LPIN2: variants seen among roughly 807,000 people sequenced by gnomAD.
The protein encoded by LPIN2 is phosphatidate phosphatase LPIN2.
LPIN2 carries 55 observed loss-of-function variants against 111.4 expected under a neutral mutation model. The observed-to-expected ratio is 0.49, with a 90% confidence interval of 0.40 to 0.62. The LOEUF (loss-of-function observed/expected upper bound fraction) is 0.62. Among genes scored for constraint, LPIN2 ranks in the 20% least tolerant of loss-of-function variants. The pLI is 0.00. For missense variants in LPIN2, 992 were observed against 1,112.1 expected (o/e 0.89, Z 1.54); for synonymous variants, 425 against 414.0 (o/e 1.03, Z -0.32).
chr18:2,969,211 T>C (rs2077862626), intron 1 of LPIN2, among the ~76,000 whole-genome samples: 1 of 152,198 alleles, frequency 6.6e-6, no homozygotes, highest in Non-Finnish European at 1.5e-5. Context: ...GGAAGCATAG[T>C]TCCATGTAAA....
At chr18:2,949,291 AATG>A (rs2077499434) in intron 4 of LPIN2, among the ~76,000 whole-genome samples, 1 of 152,222 alleles carries the variant, frequency 6.6e-6, no homozygotes, top group Non-Finnish European at 1.5e-5. Context: ...TTTGGGAATC[AATG>A]ATATTTAAAA....
In LPIN2 at chr18:2,963,706, A is replaced by C. The variant is rs908885496; in HGVS notation, c.-9-2857T>G. Among the ~76,000 whole-genome samples the C allele has an allele frequency of 8.6e-5, 13 of 151,948 alleles. 1 individual carries two copies. The highest frequency in any genetic ancestry group is 3.2e-4 in the African/African-American group (13 of 41,224). ...TGGAGATGCCCACACAAAAAGCAAA[A>C]TGTGGAAATGAAAAATGGTCACAGA... On this transcript the variant is annotated intron_variant, in intron 1 of 19. Coordinates refer to ENST00000677752, the MANE Select transcript of LPIN2 (RefSeq NM_001375808.2).
rs148555090 is a variant in LPIN2, at chr18:2,930,725, T to C, written c.1456+531A>G. Among the ~76,000 whole-genome samples, 30 of 152,346 alleles carry C rather than the reference T, an allele frequency of 2.0e-4. 1 individual carries two copies. The East Asian group carries it at 5.8e-3, about 29-fold the overall frequency. On this transcript the variant is annotated intron_variant, in intron 9 of 19. Coordinates refer to ENST00000677752, the MANE Select transcript of LPIN2 (RefSeq NM_001375808.2). ...CAGCCTATAGGCATCCTGACATGTC[T>C]GCTAAACTCCCTCCTGATTCCTGAG...
At chr18:2,967,957 A>C (rs2077834175) in intron 1 of LPIN2, among the ~76,000 whole-genome samples, 1 of 152,246 alleles carries the variant, frequency 6.6e-6, no homozygotes. Flanking sequence ...CAGATGGTTC[A>C]TTAAAGCCCA....
chr18:2,990,075 G>T (rs1165858662), intron 1 of LPIN2, among the ~76,000 whole-genome samples: 1 of 152,152 alleles, frequency 6.6e-6, no homozygotes, highest in Non-Finnish European at 1.5e-5. Flanking sequence ...CTGCATGGCG[G>T]AAGGAATAGT....
At chr18:2,994,058 T>C (rs2078304762) in intron 1 of LPIN2, among the ~76,000 whole-genome samples, 1 of 152,192 alleles carries the variant, frequency 6.6e-6, no homozygotes, top group Non-Finnish European at 1.5e-5. Context: ...ATGCTCAATC[T>C]AGCCTTACAC....
chr18:2,952,682 C>CT (rs1430215744), intron 3 of LPIN2, among the ~76,000 whole-genome samples: 2 of 152,182 alleles, frequency 1.3e-5, no homozygotes, highest in Non-Finnish European at 2.9e-5. Flanking sequence ...GTCGTGGTCT[C>CT]TGACTTTGAG....
At chr18:3,012,757 A>G (rs2078628617) in intron 1 of LPIN2, among the ~76,000 whole-genome samples, 1 of 151,810 alleles carries the variant, frequency 6.6e-6, no homozygotes, top group South Asian at 2.1e-4. Flanking sequence ...GGCGGCGGCG[A>G]GGGAACTGCG....
chr18:2,939,362 A>G, intron 6 of LPIN2, 118 bp downstream of exon 6: 1 of 1,167,728 alleles, frequency 8.6e-7, no homozygotes, highest in Admixed American at 1.7e-5. Flanking sequence ...ACATGAGGGC[A>G]CTATCATTTA....
At chr18:3,000,719 G>C (rs1269441279) in intron 1 of LPIN2, among the ~76,000 whole-genome samples, 1 of 152,172 alleles carries the variant, frequency 6.6e-6, no homozygotes, top group East Asian at 1.9e-4. Flanking sequence ...CGGAGACTCT[G>C]GTGACATAGG....
intron 1 of LPIN2, among the ~76,000 whole-genome samples, chr18:2,986,260 T>C (rs1410268660): frequency 6.6e-6 from 1 of 152,238 alleles, no homozygotes; most frequent in Admixed American, 6.5e-5. Context: ...CATTGGGTAA[T>C]GGTTATATAG....
chr18:2,935,826 G>C (rs1415626238), intron 7 of LPIN2, among the ~76,000 whole-genome samples: 1 of 151,938 alleles, frequency 6.6e-6, no homozygotes, highest in Non-Finnish European at 1.5e-5. Context: ...TGAGGAGAGA[G>C]GGAGGGCAAA....
Position 2,937,935 on chromosome 18 carries a change from T to C in LPIN2, c.925A>G (p.Ser309Gly), listed in dbSNP as rs757551111. ...RVIPSEDNLI[S>G]EVEKDASMED... ...ATGGAAGCATCCTTCTCAACTTCACTGATGAGGTTGTCCTCACTGGGAATT... is the reference window on the plus strand; with the variant it reads ...ATGGAAGCATCCTTCTCAACTTCACCGATGAGGTTGTCCTCACTGGGAATT... The change falls in exon 7 of 20, where the codon AGT becomes GGT. Residue 309 changes from serine (S) to glycine (G), a missense_variant. By Grantham distance (56) the Ser-to-Gly change is moderately conservative (BLOSUM62 0). Around this residue, in one of 4 missense-constraint regions of LPIN2, gnomAD observed 709 missense variants for 753.2 expected, o/e 0.94. Transcript: ENST00000677752. 6.2e-7 allele frequency: 1 copy of C among 1,614,060 alleles called. No homozygotes were observed. The highest frequency in any genetic ancestry group is 8.5e-7 in the Non-Finnish European group (1 of 1,179,860).
intron 3 of LPIN2, 103 bp from the exon 4 acceptor site, chr18:2,951,459 A>T: frequency 1.0e-6 from 1 of 1,004,024 alleles, no homozygotes; most frequent in Non-Finnish European, 1.5e-6. Flanking sequence ...TAAAAAAAAA[A>T]AAAATACATA....
At chr18:2,981,159 T>A (rs2078104594) in intron 1 of LPIN2, among the ~76,000 whole-genome samples, 1 of 152,172 alleles carries the variant, frequency 6.6e-6, no homozygotes, top group Admixed American at 6.5e-5. Context: ...ACTGTCACCT[T>A]ACAAAAGGGG....
chr18:2,952,126 G>A (rs1321784513), intron 3 of LPIN2, among the ~76,000 whole-genome samples: 3 of 152,136 alleles, frequency 2.0e-5, no homozygotes, highest in Non-Finnish European at 4.4e-5. Context: ...GTACATAATA[G>A]AGATAAAAAT....
At chr18:2,930,130 T>C (rs2077193094) in intron 9 of LPIN2, among the ~76,000 whole-genome samples, 1 of 152,214 alleles carries the variant, frequency 6.6e-6, no homozygotes, top group African/African-American at 2.4e-5. Context: ...CTCACTTGGA[T>C]TGTTTCTCCA....
chr18:2,990,854 G>A, intron 1 of LPIN2: 1 of 457,066 alleles, frequency 2.2e-6, no homozygotes, highest in Non-Finnish European at 4.3e-6. Context: ...CGCCGGCAGG[G>A]ACAATGATAC....
rs770771546 is a variant in LPIN2, at chr18:2,951,191, C to T, written c.454G>A (p.Val152Met). ...TTTCTCCTTCGTTTTTTCTTTTTCA[C>T]AGAACTTGGAGTAAAAATTGTCTCT... The part of the protein sequence containing the change: ...ETETIFTPSS[V>M]KKKKRRRKKY... Residue 152 changes from valine to methionine, a missense_variant, in exon 4 of 20, where the codon GTG (valine) becomes ATG (methionine). Physicochemically the swap from Val to Met is conservative, Grantham distance 21. Coordinates refer to ENST00000677752, the MANE Select transcript of LPIN2 (RefSeq NM_001375808.2). 2 of 1,614,076 alleles carry T rather than the reference C, an allele frequency of 1.2e-6. No homozygotes were observed. Among genetic ancestry groups the T allele is most frequent in the Non-Finnish European group, 1.7e-6 (2 of 1,180,014 alleles).
Sources: allele counts gnomAD v4.1 joint callset (sites outside exome capture counted in the v4.1 genomes callset), GRCh38; gene constraint gnomAD v4.1.1; regional missense constraint gnomAD v4.1.1; transcripts MANE v1.5; gene names NCBI Gene and HGNC (gene_info 2026-07-23, HGNC 2026-07-21).